GTF2A1L: variants seen among roughly 807,000 people sequenced by gnomAD.
GTF2A1L encodes general transcription factor IIA subunit 1 like.
GTF2A1L carries 48 observed loss-of-function variants against 49.7 expected under a neutral mutation model. The ratio of observed to expected loss-of-function variants is 0.97; its 90% CI spans 0.77 to 1.23. The LOEUF is 1.23. Among genes scored for constraint, GTF2A1L ranks in the 50% most tolerant of loss-of-function variants. The pLI, the probability that GTF2A1L is intolerant of heterozygous loss-of-function variation, is 0.00. For synonymous variants in GTF2A1L, 246 were observed against 193.5 expected (o/e 1.27, Z -2.25); for missense variants, 736 against 564.8 (o/e 1.30, Z -3.07).
At chr2:48,626,663 C>A (rs573825234) in intron 3 of GTF2A1L, among the ~76,000 whole-genome samples, 1 of 143,918 alleles carries the variant, frequency 6.9e-6, no homozygotes, top group Admixed American at 7.0e-5. Context: ...GCCTCCACCC[C>A]CTGGGCGCAA....
intron 6 of GTF2A1L, among the ~76,000 whole-genome samples, chr2:48,662,427 C>T (rs1246622817): frequency 1.3e-5 from 2 of 151,996 alleles, no homozygotes; most frequent in Non-Finnish European, 2.9e-5. Flanking sequence ...TTTAATATTT[C>T]TTGTAGGGAA....
chr2:48,635,741 G>T (rs538298896), intron 3 of GTF2A1L, among the ~76,000 whole-genome samples: 2 of 152,012 alleles, frequency 1.3e-5, no homozygotes, highest in African/African-American at 4.8e-5. Flanking sequence ...TAAAATGCTT[G>T]TATGGCCATG....
At chr2:48,666,597 G>GTGTGTGTGTGTGTGTT (rs1458943788) in intron 6 of GTF2A1L, among the ~76,000 whole-genome samples, 1 of 151,356 alleles carries the variant, frequency 6.6e-6, no homozygotes, top group Admixed American at 6.6e-5. Context: ...GTGTGTGTGT[G>GTGTGTGTGTGTGTGTT]TGTGTGTGTG....
At chr2:48,634,054 C>T (rs1329486005) in intron 3 of GTF2A1L, among the ~76,000 whole-genome samples, 1 of 152,080 alleles carries the variant, frequency 6.6e-6, no homozygotes, top group Non-Finnish European at 1.5e-5. Context: ...TAACTTGCCA[C>T]TTTGTGCCTT....
At chr2:48,656,619 C>T (rs894916931) in intron 6 of GTF2A1L, among the ~76,000 whole-genome samples, 1 of 152,000 alleles carries the variant, frequency 6.6e-6, no homozygotes, top group African/African-American at 2.4e-5. Context: ...GTATGATTTG[C>T]AAATATTTTC....
chr2:48,671,917 C>G (rs1486051470), intron 8 of GTF2A1L, among the ~76,000 whole-genome samples: 1 of 152,122 alleles, frequency 6.6e-6, no homozygotes, highest in Non-Finnish European at 1.5e-5. Context: ...CAAGATGTTT[C>G]TTTTGGAAAA....
At chr2:48,664,187 G>C (rs1458114428) in intron 6 of GTF2A1L, among the ~76,000 whole-genome samples, 1 of 152,050 alleles carries the variant, frequency 6.6e-6, no homozygotes, top group East Asian at 1.9e-4. Flanking sequence ...AGTGCCAAGA[G>C]CAGAAATCTT....
Position 48,669,726 on chromosome 2 carries a change from C to G in GTF2A1L, c.983C>G (p.Ser328Cys). The G allele has an allele frequency of 6.2e-7, 1 of 1,604,704 alleles. No individual in the cohort carries two copies. The highest frequency in any genetic ancestry group is 8.5e-7 in the Non-Finnish European group (1 of 1,173,918). The stretch of plus-strand genomic sequence containing the variant: ...TGTATTTCTTTCTCTTTTTAGGATT[C>G]TAATTCTCAGGTGGATTTAAGCATT... Reference protein sequence around the residue: ...PSNIPVSEKDSNSQVDLSIRV... With the variant: ...PSNIPVSEKDCNSQVDLSIRV... The change falls in exon 7 of 9, where the codon TCT (serine) becomes TGT (cysteine). Residue 328 changes from serine to cysteine, a missense_variant. Coordinates refer to ENST00000403751, the MANE Select transcript of GTF2A1L (RefSeq NM_006872.5).
intron 6 of GTF2A1L, among the ~76,000 whole-genome samples, chr2:48,652,038 GC>G (rs1199003522): frequency 3.9e-5 from 6 of 152,270 alleles, no homozygotes; most frequent in Admixed American, 2.0e-4. Flanking sequence ...ATTTTTCAAT[GC>G]CTGGTGGAAG....
intron 1 of GTF2A1L, among the ~76,000 whole-genome samples, chr2:48,618,508 A>T (rs536560343): frequency 2.8e-4 from 42 of 152,306 alleles, no homozygotes; most frequent in South Asian, 8.3e-4. Context: ...AAAATCAAGG[A>T]TTCATCTTTA....
intron 6 of GTF2A1L, among the ~76,000 whole-genome samples, chr2:48,659,855 CAGTT>C (rs924678817): frequency 2.6e-5 from 4 of 151,886 alleles, no homozygotes; most frequent in Admixed American, 1.3e-4. Flanking sequence ...TTTTTCCTAA[CAGTT>C]TGTTTTTGTG....
chr2:48,651,615 A>C (rs1677851401), intron 6 of GTF2A1L, among the ~76,000 whole-genome samples: 1 of 152,182 alleles, frequency 6.6e-6, no homozygotes. Context: ...ATTAGTGCTA[A>C]GACACAGCCA....
intron 6 of GTF2A1L, among the ~76,000 whole-genome samples, chr2:48,665,198 G>C (rs979884436): frequency 5.9e-5 from 9 of 151,766 alleles, no homozygotes; most frequent in African/African-American, 1.2e-4. Context: ...CTGGGATTAC[G>C]GGTGCGAGCC....
intron 1 of GTF2A1L, among the ~76,000 whole-genome samples, chr2:48,620,487 G>A (rs17037469): frequency 0.017 from 2,543 of 152,248 alleles, 70 homozygotes; most frequent in African/African-American, 0.058. Flanking sequence ...TGAGAAGTCA[G>A]AACTTTAACA....
At chr2:48,658,163 T>C in intron 6 of GTF2A1L, among the ~76,000 whole-genome samples, 1 of 152,216 alleles carries the variant, frequency 6.6e-6, no homozygotes, top group East Asian at 1.9e-4. Flanking sequence ...TAATTAGTTA[T>C]AAATTATTTC....
At chr2:48,643,010 C>T (rs1677288360) in intron 4 of GTF2A1L, among the ~76,000 whole-genome samples, 1 of 152,118 alleles carries the variant, frequency 6.6e-6, no homozygotes, top group African/African-American at 2.4e-5. Context: ...AAGACTGTAC[C>T]TACAAGGTTA....
intron 1 of GTF2A1L, among the ~76,000 whole-genome samples, chr2:48,620,171 G>A (rs1344058731): frequency 6.6e-6 from 1 of 152,120 alleles, no homozygotes; most frequent in African/African-American, 2.4e-5. Context: ...AAAACAGAAG[G>A]TCTATTTCTG....
chr2:48,669,634 G>A (rs1679055757), intron 6 of GTF2A1L, 88 bp from the exon 7 acceptor site: 2 of 1,480,352 alleles, frequency 1.4e-6, no homozygotes, highest in Non-Finnish European at 9.0e-7. Context: ...CTGACCATTT[G>A]TGGAATGTTT....
intron 3 of GTF2A1L, among the ~76,000 whole-genome samples, chr2:48,633,831 G>A (rs1463693650): frequency 6.6e-6 from 1 of 152,116 alleles, no homozygotes; most frequent in Non-Finnish European, 1.5e-5. Context: ...TTGGGTGAGT[G>A]TATATTTAGG....
Sources: gnomAD v4.1 joint callset for allele counts (sites outside exome capture counted in the v4.1 genomes callset) on GRCh38, gnomAD v4.1.1 for gene constraint, MANE v1.5 for transcripts, NCBI Gene and HGNC (gene_info 2026-07-23, HGNC 2026-07-21) for gene names.